The following ARHGAP6 variants were observed in gnomAD, a reference collection of about 807,000 sequenced individuals.
ARHGAP6 encodes rho GTPase-activating protein 6.
Under a neutral mutation model 55.7 loss-of-function variants are expected in ARHGAP6, and 16 were observed. That is an observed-to-expected ratio of 0.29 (90% confidence interval 0.19 to 0.44). The LOEUF (loss-of-function observed/expected upper bound fraction) is 0.44, where lower values mean the gene tolerates loss of function less well. Ranked by LOEUF, ARHGAP6 falls within the 20% of genes least tolerant of loss-of-function variation. ARHGAP6 has a pLI of 1.00. For missense variants in ARHGAP6, 698 were observed against 808.9 expected, an observed-to-expected ratio of 0.86 and a Z score of 1.66; for synonymous variants, 382 against 360.9, an observed-to-expected ratio of 1.06 and a Z score of -0.66.
At chrX:11,509,953 CCTCT>C (rs2050769394) in intron 1 of ARHGAP6, among the ~76,000 whole-genome samples, 2 of 111,953 alleles carry the variant, frequency 1.8e-5, no homozygotes, top group Non-Finnish European at 3.8e-5. Flanking sequence ...AATGAGAGGA[CCTCT>C]AGGGTAACAG....
intron 1 of ARHGAP6, among the ~76,000 whole-genome samples, chrX:11,450,371 C>T (rs932631760): frequency 5.4e-5 from 6 of 111,951 alleles, no homozygotes; most frequent in Non-Finnish European, 1.1e-4. Context: ...ATACAACAAA[C>T]GTGTCATTTC....
chrX:11,147,691 T>A (rs1442289964), intron 10 of ARHGAP6, among the ~76,000 whole-genome samples: 1 of 112,768 alleles, frequency 8.9e-6, no homozygotes, highest in East Asian at 2.8e-4. Context: ...ATCTATAAAG[T>A]TCTGTAAGAT....
At chrX:11,379,740 C>A (rs2049241630) in intron 1 of ARHGAP6, among the ~76,000 whole-genome samples, 1 of 110,819 alleles carries the variant, frequency 9.0e-6, no homozygotes, top group South Asian at 3.8e-4. Flanking sequence ...CATGAAATTT[C>A]TTCTTGAGAT....
rs1285873087 is a variant in ARHGAP6 at position 11,405,154 on chromosome X, T to A, written c.589-150447A>T. ...ACTCTACTTCTTCATTGCTGCTCTC[T>A]TTTCCACTGTCAACAGGAAGGGCAA... On this transcript the variant is annotated intron_variant, in intron 1 of 12. Coordinates refer to ENST00000337414, the MANE Select transcript of ARHGAP6 (RefSeq NM_013427.3). Among the ~76,000 whole-genome samples the A allele has an allele frequency of 2.8e-4, 31 of 111,792 alleles. No individual in the cohort carries two copies. The Admixed American group carries it at 2.9e-3, about 11-fold the overall frequency.
intron 1 of ARHGAP6, among the ~76,000 whole-genome samples, chrX:11,586,337 G>A (rs186546623): frequency 8.9e-5 from 10 of 111,947 alleles, no homozygotes; most frequent in Admixed American, 1.9e-4. Context: ...TTCATCTTGA[G>A]TTGATTTTTG....
intron 1 of ARHGAP6, among the ~76,000 whole-genome samples, chrX:11,604,890 T>A (rs1159193456): frequency 1.8e-5 from 2 of 111,935 alleles, no homozygotes; most frequent in African/African-American, 6.5e-5. Flanking sequence ...TGGTAATGGA[T>A]TGCCCTTTCA....
At chrX:11,171,729 C>T (rs1033341644) in intron 8 of ARHGAP6, among the ~76,000 whole-genome samples, 11 of 111,378 alleles carry the variant, frequency 9.9e-5, no homozygotes, top group Non-Finnish European at 3.8e-5. Flanking sequence ...TTCTCTACCT[C>T]GACACTAGTG....
intron 1 of ARHGAP6, among the ~76,000 whole-genome samples, chrX:11,371,396 G>T (rs902368437): frequency 1.8e-5 from 2 of 111,920 alleles, no homozygotes; most frequent in African/African-American, 6.5e-5. Context: ...TTGTGACTGA[G>T]ATCTTATGGT....
At chrX:11,221,919 T>C (rs1166222233) in intron 2 of ARHGAP6, among the ~76,000 whole-genome samples, 1 of 111,352 alleles carries the variant, frequency 9.0e-6, no homozygotes, top group Non-Finnish European at 1.9e-5. Context: ...CAGTTGTCTG[T>C]TGTTCCCCTC....
intron 1 of ARHGAP6, among the ~76,000 whole-genome samples, chrX:11,562,619 T>C (rs1264448561): frequency 1.8e-5 from 2 of 111,094 alleles, no homozygotes; most frequent in African/African-American, 6.5e-5. Flanking sequence ...AATTCAGGAA[T>C]TATTTAACTT....
At chrX:11,277,506 T>A (rs1417313163) in intron 1 of ARHGAP6, among the ~76,000 whole-genome samples, 3 of 111,418 alleles carry the variant, frequency 2.7e-5, no homozygotes, top group Admixed American at 9.5e-5. Context: ...GTGCAAAACT[T>A]GTTTTCCGCC....
intron 1 of ARHGAP6, among the ~76,000 whole-genome samples, chrX:11,604,887 G>T (rs2052016064): frequency 8.9e-6 from 1 of 111,943 alleles, no homozygotes; most frequent in South Asian, 3.8e-4. Context: ...CAATGGTAAT[G>T]GATTGCCCTT....
intron 1 of ARHGAP6, among the ~76,000 whole-genome samples, chrX:11,485,028 C>CA (rs201100075): frequency 0.017 from 1,891 of 108,580 alleles, 28 homozygotes; most frequent in Middle Eastern, 0.056. Context: ...AACAAACAAA[C>CA]AACAACAACA....
chrX:11,634,505 T>C (rs1297835530), intron 1 of ARHGAP6, among the ~76,000 whole-genome samples: 1 of 111,593 alleles, frequency 9.0e-6, no homozygotes, highest in East Asian at 2.8e-4. Context: ...TATGTAGTCA[T>C]TGTAGTGAAA....
At chrX:11,296,618 A>G (rs2048088598) in intron 1 of ARHGAP6, among the ~76,000 whole-genome samples, 1 of 111,644 alleles carries the variant, frequency 9.0e-6, no homozygotes, top group South Asian at 3.8e-4. Flanking sequence ...CTAAAAACAG[A>G]CCTCAAGTAT....
intron 1 of ARHGAP6, among the ~76,000 whole-genome samples, chrX:11,614,629 G>C (rs1212699558): frequency 8.9e-6 from 1 of 111,755 alleles, no homozygotes; most frequent in East Asian, 2.8e-4. Context: ...TAGACACAGA[G>C]CTAAACCATA....
chrX:11,568,682 T>C (rs1158624928), intron 1 of ARHGAP6, among the ~76,000 whole-genome samples: 1 of 106,541 alleles, frequency 9.4e-6, no homozygotes, highest in Non-Finnish European at 1.9e-5. Flanking sequence ...TCTTGAACGC[T>C]AAGGGTAGAG....
At chrX:11,310,733 T>C (rs1293622730) in intron 1 of ARHGAP6, among the ~76,000 whole-genome samples, 1 of 111,894 alleles carries the variant, frequency 8.9e-6, no homozygotes, top group Non-Finnish European at 1.9e-5. Flanking sequence ...TCCATCTCAG[T>C]GTGGAGCTAC....
intron 1 of ARHGAP6, among the ~76,000 whole-genome samples, chrX:11,518,255 C>T (rs1286373910): frequency 9.1e-6 from 1 of 110,094 alleles, no homozygotes; most frequent in African/African-American, 3.3e-5. Flanking sequence ...ATCTTCCCGC[C>T]TCAGCCTCTC....
Sources: allele counts gnomAD v4.1 joint callset (sites outside exome capture counted in the v4.1 genomes callset), GRCh38; gene constraint gnomAD v4.1.1; transcripts MANE v1.5; gene names NCBI Gene and HGNC (gene_info 2026-07-23, HGNC 2026-07-21).